KLF12: variants seen among roughly 807,000 people sequenced by gnomAD.
The protein encoded by KLF12 is Krueppel-like factor 12.
KLF12 carries 9 observed loss-of-function variants against 37.8 expected under a neutral mutation model. The observed-to-expected ratio is 0.24, with a 90% confidence interval of 0.14 to 0.42. The LOEUF is 0.42. Ranked by LOEUF, KLF12 falls within the 10% of genes least tolerant of loss-of-function variation. The pLI, the probability that KLF12 is intolerant of heterozygous loss-of-function variation, is 1.00. For synonymous variants in KLF12, 208 were observed against 202.1 expected (o/e 1.03, Z -0.25); for missense variants, 411 against 516.0 (o/e 0.80, Z 1.97).
chr13:74,146,499 A>T, the KLF12 span, among the ~76,000 whole-genome samples: 1 of 152,192 alleles, frequency 6.6e-6, no homozygotes, highest in Admixed American at 6.5e-5. Flanking sequence ...TGGGGAGAAA[A>T]ACAGATTAGG....
intron 2 of KLF12, among the ~76,000 whole-genome samples, chr13:73,948,643 A>C (rs1254269929): frequency 6.6e-6 from 1 of 152,238 alleles, no homozygotes; most frequent in African/African-American, 2.4e-5. Flanking sequence ...TTTGCATAAA[A>C]AAGATTTCTT....
At chr13:74,165,083 T>C in the KLF12 span, among the ~76,000 whole-genome samples, 48 of 152,130 alleles carry the variant, frequency 3.2e-4, no homozygotes, top group African/African-American at 1.1e-3. Flanking sequence ...AAATGATAAA[T>C]GCCTGAGGTG....
At chr13:73,998,798 G>A (rs936929312) in intron 1 of KLF12, among the ~76,000 whole-genome samples, 5 of 152,078 alleles carry the variant, frequency 3.3e-5, no homozygotes, top group African/African-American at 1.2e-4. Context: ...AGTTATCTTG[G>A]GAACTAAAAA....
chr13:74,275,802 CTTTCCTTCTTTCTTTCTTTCT>C, the KLF12 span, among the ~76,000 whole-genome samples: 135 of 103,042 alleles, frequency 1.3e-3, no homozygotes, highest in Middle Eastern at 4.4e-3. Flanking sequence ...TTCTTTCTTT[CTTTCCTTCTTTCTTTCTTTCT>C]TTCTTTCTTT....
intron 1 of KLF12, among the ~76,000 whole-genome samples, chr13:74,052,232 A>C (rs1443203353): frequency 6.6e-6 from 1 of 152,134 alleles, no homozygotes; most frequent in Non-Finnish European, 1.5e-5. Context: ...GAAAACAGAA[A>C]ACAGCTCCAT....
At chr13:73,958,667 T>G (rs1351985467) in intron 2 of KLF12, among the ~76,000 whole-genome samples, 1 of 152,132 alleles carries the variant, frequency 6.6e-6, no homozygotes, top group Non-Finnish European at 1.5e-5. Context: ...GACAAAGCTG[T>G]TCTACATTAT....
intron 5 of KLF12, among the ~76,000 whole-genome samples, chr13:73,786,885 G>T (rs1357013482): frequency 6.6e-6 from 1 of 151,924 alleles, no homozygotes. Flanking sequence ...TGATCACACC[G>T]CTGCACTCTA....
At chr13:73,839,462 T>TA (rs930221981) in intron 4 of KLF12, among the ~76,000 whole-genome samples, 3 of 152,030 alleles carry the variant, frequency 2.0e-5, no homozygotes, top group African/African-American at 7.2e-5. Context: ...TGTTTAAATG[T>TA]AAAAAAATGC....
At chr13:73,755,056 A>G (rs1043367442) in intron 6 of KLF12, among the ~76,000 whole-genome samples, 1 of 152,210 alleles carries the variant, frequency 6.6e-6, no homozygotes, top group African/African-American at 2.4e-5. Flanking sequence ...ACTGTAAGAA[A>G]TCAGTCCATT....
intron 1 of KLF12, among the ~76,000 whole-genome samples, chr13:74,012,178 T>G (rs533125136): frequency 6.6e-6 from 1 of 152,346 alleles, no homozygotes; most frequent in East Asian, 1.9e-4. Context: ...CAGAATGTAT[T>G]TGATGCTTCT....
intron 2 of KLF12, among the ~76,000 whole-genome samples, chr13:73,988,343 A>T (rs1891881251): frequency 6.6e-6 from 1 of 152,248 alleles, no homozygotes; most frequent in Non-Finnish European, 1.5e-5. Flanking sequence ...CCCTGGCTCT[A>T]ATAAATATAT....
chr13:74,182,905 A>G, the KLF12 span, among the ~76,000 whole-genome samples: 41,494 of 151,906 alleles, frequency 0.27, 8,838 homozygotes, highest in African/African-American at 0.59. Context: ...CCTTAGGGGC[A>G]TGTATGGGGG....
chr13:74,235,486 CAG>C, the KLF12 span, among the ~76,000 whole-genome samples: 68 of 152,236 alleles, frequency 4.5e-4, no homozygotes, highest in Admixed American at 1.6e-3. Flanking sequence ...TTATAATAGA[CAG>C]GGGAGAAATC....
chr13:74,261,300 G>T, the KLF12 span, among the ~76,000 whole-genome samples: 3 of 152,216 alleles, frequency 2.0e-5, no homozygotes, highest in African/African-American at 7.2e-5. Flanking sequence ...CGGAATAGAA[G>T]AAAATTATCT....
chr13:73,963,369 C>CAT (rs1401079201), intron 2 of KLF12, among the ~76,000 whole-genome samples: 64 of 151,656 alleles, frequency 4.2e-4, no homozygotes, highest in African/African-American at 1.5e-3. Context: ...CACACACACA[C>CAT]ACTCGGAATT....
chr13:74,083,493 G>GACACAC (rs61312097), intron 1 of KLF12, among the ~76,000 whole-genome samples: 1,494 of 136,468 alleles, frequency 0.011, 26 homozygotes, highest in African/African-American at 0.036. Flanking sequence ...GGCGATAGGA[G>GACACAC]ACACACACAC....
the KLF12 span, among the ~76,000 whole-genome samples, chr13:74,249,391 C>T: frequency 3.3e-5 from 5 of 151,106 alleles, no homozygotes; most frequent in Non-Finnish European, 7.4e-5. Context: ...CACACCCTCA[C>T]TCAATGCCAT....
intron 2 of KLF12, among the ~76,000 whole-genome samples, chr13:73,955,050 G>C (rs1463717427): frequency 6.6e-6 from 1 of 151,996 alleles, no homozygotes; most frequent in Non-Finnish European, 1.5e-5. Context: ...CTTTCTTCTG[G>C]TTTCAGTTTT....
intron 1 of KLF12, among the ~76,000 whole-genome samples, chr13:74,050,217 AT>A (rs1002640520): frequency 3.3e-5 from 5 of 152,222 alleles, no homozygotes; most frequent in African/African-American, 1.2e-4. Context: ...TGGCATCCCA[AT>A]GTAATCTAGA....
Sources: allele counts gnomAD v4.1 joint callset (sites outside exome capture counted in the v4.1 genomes callset), GRCh38; gene constraint gnomAD v4.1.1; transcripts MANE v1.5; gene names NCBI Gene and HGNC (gene_info 2026-07-23, HGNC 2026-07-21).